The following WAS variants were observed in gnomAD, a reference collection of about 807,000 sequenced individuals.
WAS encodes WASP actin nucleation promoting factor.
Under a neutral mutation model 38.9 loss-of-function variants are expected in WAS, and 1 was observed. The ratio of observed to expected loss-of-function variants is 0.03; its 90% CI spans 0.01 to 0.12. The LOEUF (loss-of-function observed/expected upper bound fraction) is 0.12. WAS is among the 10% of genes least tolerant of loss of function. WAS has a pLI of 1.00. For missense variants in WAS, 311 were observed against 431.2 expected (o/e 0.72, Z 2.47); for synonymous variants, 182 against 173.6 (o/e 1.05, Z -0.38).
Position 48,684,280 on chromosome X carries a change from C to T in WAS, c.133-3C>T. On this transcript the variant is annotated splice_polypyrimidine_tract_variant and splice_region_variant and intron_variant, in intron 1 of 11. Coordinates refer to ENST00000376701, the MANE Select transcript of WAS (RefSeq NM_000377.3). ...TCCACTGACCCCTGCTTTCCTCTCC[C>T]AGACGCTGGCCACTGCAGTTGTTCA... 1 of 1,211,803 alleles carries T rather than the reference C, an allele frequency of 8.3e-7. No individual in the cohort carries two copies.
At chrX:48,680,414 CAGG>C (rs2062398466), upstream of WAS, among the ~76,000 whole-genome samples, 1 of 110,687 alleles carries the variant, frequency 9.0e-6, no homozygotes, top group Non-Finnish European at 1.9e-5. Flanking sequence ...GGGCTACTCC[CAGG>C]AGGTTAGGCA....
chrX:48,684,388 C>A lies in WAS; in HGVS notation c.238C>A (p.Gln80Lys). 8.3e-7 allele frequency: 1 copy of A among 1,211,144 alleles called. No individual in the cohort carries two copies. Among genetic ancestry groups the A allele is most frequent in the Non-Finnish European group, 1.1e-6 (1 of 895,253 alleles). ...GAVCFVKDNPQKSYFIRLYGL... is the reference protein window; with the variant it reads ...GAVCFVKDNPKKSYFIRLYGL... Reference sequence around the variant, plus strand: ...TGTGTGCTTCGTGAAGGATAACCCCCAGAAGTCCTACTTCATCCGCCTTTA... The same window carrying A: ...TGTGTGCTTCGTGAAGGATAACCCCAAGAAGTCCTACTTCATCCGCCTTTA... Residue 80 changes from glutamine to lysine, a missense_variant, in exon 2 of 12, where the codon CAG (glutamine) becomes AAG (lysine). Physicochemically the swap from Gln to Lys is moderately conservative, Grantham distance 53 (BLOSUM62 1). This residue lies in a region of WAS where 64 missense variants were observed against 122.5 expected (regional missense o/e 0.52). Transcript: ENST00000376701.
chrX:48,690,239 C>T (rs2062435605), intron 11 of WAS, among the ~76,000 whole-genome samples: 1 of 109,939 alleles, frequency 9.1e-6, no homozygotes, highest in South Asian at 3.9e-4. Context: ...ATCCTCCCGC[C>T]TCAGCTCCCA....
rs782303232 is a variant in WAS at position 48,689,079 on chromosome X, A to G, written c.1338+13A>G. 3 of 1,191,054 alleles carry G rather than the reference A, an allele frequency of 2.5e-6. No homozygotes were observed. Among genetic ancestry groups the G allele is most frequent in the Non-Finnish European group, 3.4e-6 (3 of 886,705 alleles). On this transcript the variant is annotated intron_variant, in intron 10 of 11. Transcript: ENST00000376701. ...TCAGCTGAACAAGGTGAGGACAGGC[A>G]GGATGGAGGATTGGGGGTCTAGGAC...
chrX:48,685,791 C>A lies in WAS; in HGVS notation c.418C>A (p.Leu140Ile). ...DEDEAQAFRA[L>I]VQEKIQKRNQ... ...GGACGAGGCCCAGGCCTTCCGGGCC[C>A]TCGTGCAGGAGAAGATACAAAAAAG... The change falls in exon 4 of 12, where the codon CTC (leucine) becomes ATC (isoleucine). Residue 140 changes from leucine (L) to isoleucine (I), a missense_variant. By Grantham distance (5) the Leu-to-Ile change is conservative. Around this residue, in one of 4 missense-constraint regions of WAS, gnomAD observed 64 missense variants for 122.5 expected, o/e 0.52. Coordinates refer to ENST00000376701, the MANE Select transcript of WAS (RefSeq NM_000377.3). The A allele has an allele frequency of 8.4e-7, 1 of 1,185,386 alleles. No homozygotes were observed. Among genetic ancestry groups the A allele is most frequent in the Non-Finnish European group, 1.1e-6 (1 of 881,850 alleles).
upstream of WAS, among the ~76,000 whole-genome samples, chrX:48,680,021 A>G (rs1346161564): frequency 9.0e-6 from 1 of 111,525 alleles, no homozygotes; most frequent in Non-Finnish European, 1.9e-5. Flanking sequence ...CTCGACCCAA[A>G]GGAAAAAGAC....
rs782195195 is a variant in WAS, at chrX:48,688,750, C to T, written c.1022C>T (p.Pro341Leu). 8.6e-7 allele frequency: 1 copy of T among 1,166,557 alleles called. No individual in the cohort carries two copies. Among genetic ancestry groups the T allele is most frequent in the African/African-American group, 1.8e-5 (1 of 55,405 alleles). ...GGGGGTAACAAGGGTCGTTCTGGTC[C>T]ACTGCCCCCTGTACCTTTGGGGATT... ...IVGGNKGRSGPLPPVPLGIAP... is the reference protein window; with the variant it reads ...IVGGNKGRSGLLPPVPLGIAP... The change falls in exon 10 of 12, where the codon CCA becomes CTA. Residue 341 changes from proline (P) to leucine (L), a missense_variant. This residue lies in a region of WAS where 142 missense variants were observed against 157.6 expected (regional missense o/e 0.90). Transcript: ENST00000376701.
chrX:48,691,292 C>A lies in WAS; in HGVS notation c.*130C>A. 4.9e-6 allele frequency: 3 copies of A among 611,647 alleles called. No individual in the cohort carries two copies. The highest frequency in any genetic ancestry group is 4.9e-5 in the South Asian group (2 of 40,665). The allele number at this position is 611,647 out of a possible 1,213,427, so 50.4% of individuals were successfully genotyped here. ...CCCATTTCTTCCCCACCAACCCCTC[C>A]AATGCTGTTATCCCTGCCTGGTCCT... is the stretch of plus-strand genomic sequence containing the variant. On this transcript the variant is annotated 3_prime_UTR_variant, in exon 12 of 12. Coordinates refer to ENST00000376701, the MANE Select transcript of WAS (RefSeq NM_000377.3).
Position 48,685,972 on chromosome X carries a change from A to C in WAS, c.490A>C (p.Thr164Pro), listed in dbSNP as rs781918613. 2.4e-5 allele frequency: 29 copies of C among 1,209,907 alleles called. No individual in the cohort carries two copies. The highest frequency in any genetic ancestry group is 8.7e-5 in the Admixed American group (4 of 45,749). The change falls in exon 5 of 12, where the codon ACA becomes CCA. Residue 164 changes from threonine (T) to proline (P), a missense_variant. By Grantham distance (38) the Thr-to-Pro change is conservative. Transcript: ENST00000376701. ...CAGACGCCAGCTACCCCCACCACCA[A>C]CACCAGCCAATGAAGGTGAGTCCTC... ...GDRRQLPPPP[T>P]PANEERRGGL...
intron 11 of WAS, among the ~76,000 whole-genome samples, chrX:48,690,243 G>T: frequency 9.2e-6 from 1 of 108,844 alleles, no homozygotes; most frequent in Admixed American, 9.8e-5. Flanking sequence ...TCCCGCCTCA[G>T]CTCCCAAAGT....
At chrX:48,681,950 G>A (rs1236534871), upstream of WAS, among the ~76,000 whole-genome samples, 1 of 111,985 alleles carries the variant, frequency 8.9e-6, no homozygotes, top group Non-Finnish European at 1.9e-5. Flanking sequence ...CCCCAGACCT[G>A]CTCAGCTCCC....
Position 48,686,093 on chromosome X carries a change from G to A in WAS, c.518G>A (p.Gly173Glu). The A allele has an allele frequency of 8.2e-7, 1 of 1,212,179 alleles. No individual in the cohort carries two copies. The highest frequency in any genetic ancestry group is 1.1e-6 in the Non-Finnish European group (1 of 895,580). ...PTPANEERRG[G>E]LPPLPLHPGG... ...TCCATCTTCCCAGAGAGAAGAGGAGGGCTCCCACCCCTGCCCCTGCATCCA... is the reference window on the plus strand; with the variant it reads ...TCCATCTTCCCAGAGAGAAGAGGAGAGCTCCCACCCCTGCCCCTGCATCCA... The change falls in exon 6 of 12, where the codon GGG (glycine) becomes GAG (glutamate). Residue 173 changes from glycine to glutamate, a missense_variant. By Grantham distance (98) the Gly-to-Glu change is moderately conservative. Coordinates refer to ENST00000376701, the MANE Select transcript of WAS (RefSeq NM_000377.3).
At chrX:48,677,627 G>A (rs1191100213) in intron 1 of WAS, among the ~76,000 whole-genome samples, 2 of 112,009 alleles carry the variant, frequency 1.8e-5, no homozygotes, top group African/African-American at 6.5e-5. Context: ...TGGACTCTGT[G>A]TTCTGACCAC....
In WAS at chrX:48,686,871, C is replaced by A. The variant is rs1557006813; in HGVS notation, c.650C>A (p.Ala217Glu). Residue 217 changes from alanine (A) to glutamate (E), a missense_variant, in exon 7 of 12, where the codon GCA becomes GAA. Physicochemically the swap from Ala to Glu is moderately radical, Grantham distance 107. Around this residue, in one of 4 missense-constraint regions of WAS, gnomAD observed 74 missense variants for 131.2 expected, o/e 0.56. Coordinates refer to ENST00000376701, the MANE Select transcript of WAS (RefSeq NM_000377.3). ...AGTTCACGATACCGTGGGCTCCCAG[C>A]ACCTGGACCTAGCCCAGCTGATAAG... ...ITSSRYRGLP[A>E]PGPSPADKKR... 2 of 1,211,986 alleles carry A rather than the reference C, an allele frequency of 1.7e-6. No homozygotes were observed. Among genetic ancestry groups the A allele is most frequent in the Admixed American group, 2.2e-5 (1 of 46,073 alleles).
chrX:48,677,018 G>A (rs1026436107), intron 1 of WAS, among the ~76,000 whole-genome samples: 3 of 112,556 alleles, frequency 2.7e-5, no homozygotes. Context: ...CGCCCGCCCA[G>A]AGGGAGTTGG....
In WAS at chrX:48,691,269, C is replaced by A. The variant is rs1384762782; in HGVS notation, c.*107C>A. 3 of 776,950 alleles carry A rather than the reference C, an allele frequency of 3.9e-6. No homozygotes were observed. The highest frequency in any genetic ancestry group is 3.4e-5 in the East Asian group (1 of 29,427). 64.0% of individuals were successfully genotyped at this position (776,950 alleles called of 1,213,427 possible). Reference sequence around the variant, plus strand: ...CTCCTCTTCCAGGCCCCCAACCCCCCATTTCTTCCCCACCAACCCCTCCAA... The same window carrying A: ...CTCCTCTTCCAGGCCCCCAACCCCCAATTTCTTCCCCACCAACCCCTCCAA... On this transcript the variant is annotated 3_prime_UTR_variant, in exon 12 of 12. Coordinates refer to ENST00000376701, the MANE Select transcript of WAS (RefSeq NM_000377.3).
In WAS at chrX:48,691,259, C is replaced by G. The variant is rs1335579126; in HGVS notation, c.*97C>G. On this transcript the variant is annotated 3_prime_UTR_variant, in exon 12 of 12. Transcript: ENST00000376701. ...ACCCTCCACTCTCCTCTTCCAGGCC[C>G]CCAACCCCCCATTTCTTCCCCACCA... 1.2e-6 allele frequency: 1 copy of G among 857,037 alleles called. No individual in the cohort carries two copies. The highest frequency in any genetic ancestry group is 1.7e-6 in the Non-Finnish European group (1 of 586,964). 70.6% of individuals were successfully genotyped at this position (857,037 alleles called of 1,213,427 possible). A position where few individuals can be genotyped will look rare whatever the true frequency, so the allele number is the denominator to read the frequency against.
In WAS at chrX:48,688,723, T is replaced by C. The variant is rs2737799; in HGVS notation, c.995T>C (p.Val332Ala). 5.5e-3 allele frequency: 6,452 copies of C among 1,176,011 alleles called. 17 individuals are homozygous for C. The highest frequency in any genetic ancestry group is 0.015 in the Middle Eastern group (53 of 3,502). Residue 332 changes from valine (V) to alanine (A), a missense_variant, in exon 10 of 12, where the codon GTG (valine) becomes GCG (alanine). By Grantham distance (64) the Val-to-Ala change is moderately conservative. Coordinates refer to ENST00000376701, the MANE Select transcript of WAS (RefSeq NM_000377.3). ...AACCAGCTCCCCCGGCCCCCTATTG[T>C]GGGGGGTAACAAGGGTCGTTCTGGT... ...GGNQLPRPPI[V>A]GGNKGRSGPL...
chrX:48,679,069 G>T (rs369146725), upstream of WAS, among the ~76,000 whole-genome samples: 17 of 104,439 alleles, frequency 1.6e-4, 1 homozygote, highest in East Asian at 4.1e-3. Flanking sequence ...TTGTTCTGTT[G>T]CCCAGGCTAG....
Sources: allele counts gnomAD v4.1 joint callset (sites outside exome capture counted in the v4.1 genomes callset), GRCh38; gene constraint gnomAD v4.1.1; regional missense constraint gnomAD v4.1.1; transcripts MANE v1.5; gene names NCBI Gene and HGNC (gene_info 2026-07-23, HGNC 2026-07-21).